The following UBE2Q2 variants were observed in gnomAD, a reference collection of about 807,000 sequenced individuals.
UBE2Q2 encodes the protein ubiquitin conjugating enzyme E2 Q2.
Under a neutral mutation model 59.9 loss-of-function variants are expected in UBE2Q2, and 54 were observed. That is an observed-to-expected ratio of 0.90 (90% CI 0.72 to 1.13). The LOEUF is 1.13. UBE2Q2 is among the 50% of genes most tolerant of loss of function. The pLI, the probability that UBE2Q2 is intolerant of heterozygous loss-of-function variation, is 0.00. For missense variants in UBE2Q2, 433 were observed against 441.9 expected, an observed-to-expected ratio of 0.98 and a Z score of 0.18; for synonymous variants, 165 against 155.2, an observed-to-expected ratio of 1.06 and a Z score of -0.47.
intron 9 of UBE2Q2, among the ~76,000 whole-genome samples, chr15:75,888,212 A>G (rs900943992): frequency 2.0e-5 from 3 of 152,202 alleles, no homozygotes; most frequent in African/African-American, 2.4e-5. Context: ...CATGACTTCA[A>G]AAAGAAACCC....
At chr15:75,886,502 G>A (rs1898778490) in intron 9 of UBE2Q2, among the ~76,000 whole-genome samples, 1 of 152,028 alleles carries the variant, frequency 6.6e-6, no homozygotes, top group Non-Finnish European at 1.5e-5. Context: ...AAGGAAGACA[G>A]GTCATTTTTT....
intron 2 of UBE2Q2, among the ~76,000 whole-genome samples, chr15:75,856,246 C>CGTGTGTGTGTGTGTGTGTGT (rs370925975): frequency 6.6e-5 from 9 of 135,708 alleles, no homozygotes; most frequent in African/African-American, 2.3e-4. Context: ...TGTGTATATA[C>CGTGTGTGTGTGTGTGTGTGT]GTGTGTGTGT....
rs184344663 is a variant in UBE2Q2 at position 75,872,611 on chromosome 15, A to T, written c.448-817A>T. Among the ~76,000 whole-genome samples, 935 of 142,316 alleles carry T rather than the reference A, an allele frequency of 6.6e-3. 4 individuals are homozygous for T. The highest frequency in any genetic ancestry group is 0.012 in the Middle Eastern group (3 of 246). The allele number at this position is 142,316 out of a possible 152,430, so 93.4% of individuals were successfully genotyped here. A position where few individuals can be genotyped will look rare whatever the true frequency, so the allele number is the denominator to read the frequency against. On this transcript the variant is annotated intron_variant, in intron 4 of 12. Coordinates refer to ENST00000267938, the MANE Select transcript of UBE2Q2 (RefSeq NM_173469.4). ...GAGTACAGTAGCATGATCATAGCTC[A>T]CTGCAGCCTCAAACTCCTGGGCCCA...
chr15:75,879,955 A>T (rs190119743), intron 8 of UBE2Q2, among the ~76,000 whole-genome samples: 1 of 152,192 alleles, frequency 6.6e-6, no homozygotes, highest in Admixed American at 6.5e-5. Flanking sequence ...ACTGAAAGGT[A>T]TATCTGCGCA....
chr15:75,854,525 T>A, intron 2 of UBE2Q2, 38 bp downstream of exon 2: 2 of 1,285,538 alleles, frequency 1.6e-6, no homozygotes, highest in Non-Finnish European at 2.2e-6. Context: ...CTTTTCCTCA[T>A]GAACATTACA....
intron 5 of UBE2Q2, among the ~76,000 whole-genome samples, chr15:75,874,981 AT>A (rs1897997390): frequency 6.6e-6 from 1 of 152,192 alleles, no homozygotes; most frequent in Admixed American, 6.5e-5. Context: ...TATTAATCTA[AT>A]TTATAATTTT....
In UBE2Q2 at chr15:75,873,574, T is replaced by C. The variant is rs375072111; in HGVS notation, c.588+6T>C. ...AAAGGCAAGACCATTTAAATGTAAGTGTGTGTAGATATCTAGAACCTGGAC... is the reference window on the plus strand; with the variant it reads ...AAAGGCAAGACCATTTAAATGTAAGCGTGTGTAGATATCTAGAACCTGGAC... On this transcript the variant is annotated splice_donor_region_variant and intron_variant, in intron 5 of 12. Transcript: ENST00000267938. 3.1e-5 allele frequency: 50 copies of C among 1,608,594 alleles called. No individual in the cohort carries two copies. The highest frequency in any genetic ancestry group is 4.0e-5 in the Non-Finnish European group (47 of 1,178,322).
At chr15:75,876,152 G>C (rs376216396) in intron 5 of UBE2Q2, 35 bp from the exon 6 acceptor site, 2 of 1,600,640 alleles carry the variant, frequency 1.2e-6, no homozygotes, top group Admixed American at 1.7e-5. Flanking sequence ...TCTTAGCTCA[G>C]CAGACCCTGG....
At chr15:75,880,923 G>A (rs1451207244) in intron 8 of UBE2Q2, among the ~76,000 whole-genome samples, 2 of 152,140 alleles carry the variant, frequency 1.3e-5, no homozygotes, top group South Asian at 2.1e-4. Flanking sequence ...TTTTTTATGT[G>A]TGTGTTTTTG....
intron 3 of UBE2Q2, 33 bp from the exon 4 acceptor site, chr15:75,868,918 G>A (rs371190207): frequency 6.2e-7 from 1 of 1,608,118 alleles, no homozygotes; most frequent in African/African-American, 1.3e-5. Context: ...TATTTGTTCT[G>A]TATAGCCCTG....
In UBE2Q2 at chr15:75,877,985, A is replaced by G; in HGVS notation, c.698A>G (p.Asn233Ser). The change falls in exon 7 of 13, where the codon AAT becomes AGT. Residue 233 changes from asparagine (N) to serine (S), a missense_variant. Physicochemically the swap from Asn to Ser is conservative, Grantham distance 46 (BLOSUM62 1). Coordinates refer to ENST00000267938, the MANE Select transcript of UBE2Q2 (RefSeq NM_173469.4). ...GGGATTTATTCAGTGGAACTCATAAATGACAGTTTATATGACTGGCATGTT... is the reference window on the plus strand; with the variant it reads ...GGGATTTATTCAGTGGAACTCATAAGTGACAGTTTATATGACTGGCATGTT... ...KTGIYSVELI[N>S]DSLYDWHVKL... The G allele has an allele frequency of 6.2e-7, 1 of 1,613,778 alleles. No homozygotes were observed. The highest frequency in any genetic ancestry group is 8.5e-7 in the Non-Finnish European group (1 of 1,179,874).
At chr15:75,890,833 G>T in intron 10 of UBE2Q2, 86 bp from the exon 11 acceptor site, 3 of 1,115,512 alleles carry the variant, frequency 2.7e-6, no homozygotes, top group East Asian at 2.4e-5. Flanking sequence ...ATTTGCTGCT[G>T]TTGAGTTATA....
rs188413904 is a variant in UBE2Q2 at position 75,863,233 on chromosome 15, T to C, written c.387+3251T>C. 1.1e-4 allele frequency among the ~76,000 whole-genome samples: 16 copies of C among 152,292 alleles called. No individual in the cohort carries two copies. In the East Asian group the frequency reaches 2.9e-3, roughly 27 times the overall value. On this transcript the variant is annotated intron_variant, in intron 3 of 12. Transcript: ENST00000267938. ...TCTTGCTGTCAATATCCCCCTAACC[T>C]CCACCTTTGTTGGCTTTGCTCCATT...
intron 3 of UBE2Q2, among the ~76,000 whole-genome samples, chr15:75,862,171 C>T (rs1004141634): frequency 6.6e-6 from 1 of 152,118 alleles, no homozygotes; most frequent in Non-Finnish European, 1.5e-5. Flanking sequence ...AGGGCCAACC[C>T]AGACTCACTG....
At chr15:75,878,042 C>T in intron 7 of UBE2Q2, 21 bp downstream of exon 7, 2 of 1,609,330 alleles carry the variant, frequency 1.2e-6, no homozygotes, top group Non-Finnish European at 8.5e-7. Flanking sequence ...TTTTAATGCT[C>T]ACCCACTCTT....
intron 3 of UBE2Q2, among the ~76,000 whole-genome samples, chr15:75,861,225 C>G (rs939199634): frequency 6.6e-6 from 1 of 152,246 alleles, no homozygotes; most frequent in African/African-American, 2.4e-5. Context: ...TACCCTCCCT[C>G]ACACTTGATT....
chr15:75,855,314 AAC>A (rs1282358277), intron 2 of UBE2Q2, among the ~76,000 whole-genome samples: 10 of 152,104 alleles, frequency 6.6e-5, no homozygotes, highest in African/African-American at 2.4e-4. Context: ...AACATGGTGA[AAC>A]CCTGTCTCTG....
chr15:75,891,851 G>A (rs1168051800), intron 11 of UBE2Q2, among the ~76,000 whole-genome samples: 1 of 152,144 alleles, frequency 6.6e-6, no homozygotes, highest in Admixed American at 6.5e-5. Context: ...AGGCAAGATG[G>A]TGCTTTATGA....
At chr15:75,863,675 G>A (rs569064341) in intron 3 of UBE2Q2, among the ~76,000 whole-genome samples, 74 of 140,056 alleles carry the variant, frequency 5.3e-4, no homozygotes, top group Middle Eastern at 4.0e-3. Flanking sequence ...TTGGAGTCTC[G>A]CCTGTCGCCC....
Sources: allele counts gnomAD v4.1 joint callset (sites outside exome capture counted in the v4.1 genomes callset), GRCh38; gene constraint gnomAD v4.1.1; transcripts MANE v1.5; gene names NCBI Gene and HGNC (gene_info 2026-07-23, HGNC 2026-07-21).